CCDC144A: variants seen among roughly 807,000 people sequenced by gnomAD.
CCDC144A encodes the protein coiled-coil domain containing 144A, also known as coiled-coil domain-containing protein 144A.
In CCDC144A, 41 loss-of-function variants were observed where a neutral mutation model predicts 143.8. That is an observed-to-expected ratio of 0.29 (90% CI 0.22 to 0.37). The LOEUF is 0.37. Among genes scored for constraint, CCDC144A ranks in the 10% least tolerant of loss-of-function variants. The pLI is 1.00. For synonymous variants in CCDC144A, 242 were observed against 517.9 expected, an observed-to-expected ratio of 0.47 and a Z score of 7.23; for missense variants, 637 against 1,488.8, an observed-to-expected ratio of 0.43 and a Z score of 9.41.
In CCDC144A at chr17:16,729,815, T is replaced by G. The variant is rs932278431; in HGVS notation, c.2106-1985T>G. ...TGATTCTCCTACCTTGGCCTCCGTGTCACTGCACTCCAGCCTGGGTGACAG... is the reference window on the plus strand; with the variant it reads ...TGATTCTCCTACCTTGGCCTCCGTGGCACTGCACTCCAGCCTGGGTGACAG... On this transcript the variant is annotated intron_variant, in intron 9 of 16. Transcript: ENST00000399273. Among the ~76,000 whole-genome samples, 526 of 148,710 alleles carry G rather than the reference T, an allele frequency of 3.5e-3. 7 individuals carry two copies. The highest frequency in any genetic ancestry group is 0.013 in the African/African-American group (502 of 40,102).
intron 12 of CCDC144A, among the ~76,000 whole-genome samples, chr17:16,760,122 TAGAG>T (rs1044046882): frequency 6.6e-6 from 1 of 152,160 alleles, no homozygotes; most frequent in Non-Finnish European, 1.5e-5. Flanking sequence ...CAAGCGTCCC[TAGAG>T]AGAGAGTCAG....
Position 16,696,505 on chromosome 17 carries a change from A to G in CCDC144A, c.415+3456A>G, listed in dbSNP as rs1272659770. Among the ~76,000 whole-genome samples the G allele has an allele frequency of 1.7e-3, 249 of 150,622 alleles. 3 individuals carry two copies. The highest frequency in any genetic ancestry group is 4.6e-3 in the African/African-American group (189 of 41,130). ...AAAAATTAGCTGGACGTGGTGGAGC[A>G]TGCCTATGGTTCCAGCTACTCAGGA... On this transcript the variant is annotated intron_variant, in intron 2 of 16. Transcript: ENST00000399273.
At chr17:16,671,600 C>A in the CCDC144A span, among the ~76,000 whole-genome samples, 1 of 151,890 alleles carries the variant, frequency 6.6e-6, no homozygotes, top group Non-Finnish European at 1.5e-5. Context: ...CAGATGCATC[C>A]CATCAGTCTG....
chr17:16,755,762 A>C (rs1915051938), intron 12 of CCDC144A, among the ~76,000 whole-genome samples: 1 of 152,238 alleles, frequency 6.6e-6, no homozygotes, highest in South Asian at 2.1e-4. Context: ...GGTTTTGCCA[A>C]ATTGCCCAGG....
chr17:16,669,256 G>A, the CCDC144A span, among the ~76,000 whole-genome samples: 1 of 152,150 alleles, frequency 6.6e-6, no homozygotes, highest in Non-Finnish European at 1.5e-5. Context: ...TAATAAGTAG[G>A]TCAGAAAGAG....
At chr17:16,769,536 T>G (rs532217970) in intron 15 of CCDC144A, among the ~76,000 whole-genome samples, 12 of 152,242 alleles carry the variant, frequency 7.9e-5, no homozygotes, top group Non-Finnish European at 1.3e-4. Flanking sequence ...TTGATTTTCC[T>G]AAACCACGTC....
At chr17:16,686,460 T>G (rs1356185722), upstream of CCDC144A, among the ~76,000 whole-genome samples, 2 of 152,060 alleles carry the variant, frequency 1.3e-5, no homozygotes, top group Non-Finnish European at 2.9e-5. Flanking sequence ...CCATTTTTTT[T>G]GTTGCCAGTG....
chr17:16,675,123 G>T, the CCDC144A span, among the ~76,000 whole-genome samples: 1 of 151,852 alleles, frequency 6.6e-6, no homozygotes, highest in Non-Finnish European at 1.5e-5. Context: ...ACAAAAATCA[G>T]CCGGGTGTGG....
upstream of CCDC144A, among the ~76,000 whole-genome samples, chr17:16,687,371 G>T (rs548416869): frequency 6.6e-6 from 1 of 152,054 alleles, no homozygotes; most frequent in African/African-American, 2.4e-5. Context: ...CCCCCCGCAG[G>T]GATAACATTC....
chr17:16,675,452 C>T, the CCDC144A span, among the ~76,000 whole-genome samples: 1 of 150,920 alleles, frequency 6.6e-6, no homozygotes, highest in Non-Finnish European at 1.5e-5. Context: ...AAATCCCATG[C>T]CTTTCATTTT....
intron 12 of CCDC144A, among the ~76,000 whole-genome samples, chr17:16,748,971 GTTATTTATTTAT>G (rs59024455): frequency 6.6e-6 from 1 of 150,500 alleles, no homozygotes; most frequent in African/African-American, 2.4e-5. Context: ...GATGTTCTCT[GTTATTTATTTAT>G]TTATTTATTT....
the CCDC144A span, among the ~76,000 whole-genome samples, chr17:16,677,603 C>G: frequency 6.6e-6 from 1 of 151,940 alleles, no homozygotes; most frequent in African/African-American, 2.4e-5. Flanking sequence ...GAGGCTGAGG[C>G]GAGTGGATCG....
chr17:16,760,238 A>G (rs1314958234), intron 12 of CCDC144A, among the ~76,000 whole-genome samples: 3 of 150,844 alleles, frequency 2.0e-5, no homozygotes, highest in African/African-American at 7.4e-5. Context: ...GCTTGTATTT[A>G]GGAGAGGGAA....
chr17:16,720,212 C>T lies in CCDC144A; in HGVS notation c.1730C>T (p.Thr577Ile). The T allele has an allele frequency of 6.6e-7, 1 of 1,506,948 alleles. No individual in the cohort carries two copies. 93.3% of individuals were successfully genotyped at this position (1,506,948 alleles called of 1,614,324 possible). A position where few individuals can be genotyped will look rare whatever the true frequency, so the allele number is the denominator to read the frequency against. Reference sequence around the variant, plus strand: ...TTTTTTTTCAGGCCTGCAGATAAAACATCTAATGAAAAGAACGAGGTATTG... The same window carrying T: ...TTTTTTTTCAGGCCTGCAGATAAAATATCTAATGAAAAGAACGAGGTATTG... ...NGEHDRPADKTSNEKNEVKNQ... is the reference protein window; with the variant it reads ...NGEHDRPADKISNEKNEVKNQ... The change falls in exon 7 of 17, where the codon ACA becomes ATA. Residue 577 changes from threonine to isoleucine, a missense_variant. Physicochemically the swap from Thr to Ile is moderately conservative, Grantham distance 89. Coordinates refer to ENST00000399273, the MANE Select transcript of CCDC144A (RefSeq NM_001382000.1).
intron 15 of CCDC144A, among the ~76,000 whole-genome samples, chr17:16,770,122 G>T (rs1008029323): frequency 7.3e-5 from 11 of 150,338 alleles, no homozygotes; most frequent in African/African-American, 2.7e-4. Flanking sequence ...CACCACACCT[G>T]GACTGTCTGA....
At chr17:16,716,611 T>C (rs1420567368) in intron 6 of CCDC144A, among the ~76,000 whole-genome samples, 18 of 152,332 alleles carry the variant, frequency 1.2e-4, no homozygotes, top group Admixed American at 1.2e-3. Context: ...TAATGACATT[T>C]AGGAATTTTA....
At chr17:16,740,597 T>C (rs985374855) in intron 12 of CCDC144A, among the ~76,000 whole-genome samples, 11 of 152,302 alleles carry the variant, frequency 7.2e-5, no homozygotes, top group Admixed American at 5.2e-4. Context: ...ACAAATGAGC[T>C]TGAAGTAAGG....
At chr17:16,751,500 G>T (rs570168042) in intron 12 of CCDC144A, among the ~76,000 whole-genome samples, 1 of 152,334 alleles carries the variant, frequency 6.6e-6, no homozygotes, top group South Asian at 2.1e-4. Flanking sequence ...AAGTAGGATT[G>T]TGAAGGCGAG....
chr17:16,733,317 C>T (rs1419117054), intron 11 of CCDC144A, among the ~76,000 whole-genome samples: 13 of 141,256 alleles, frequency 9.2e-5, no homozygotes, highest in South Asian at 2.4e-4. Context: ...CTGGCTAACG[C>T]GGTGAAACCC....
Sources: gnomAD v4.1 joint callset for allele counts (sites outside exome capture counted in the v4.1 genomes callset) on GRCh38, gnomAD v4.1.1 for gene constraint, MANE v1.5 for transcripts, NCBI Gene and HGNC (gene_info 2026-07-23, HGNC 2026-07-21) for gene names.